Variants in ZMYM3 observed in about 807,000 individuals in gnomAD.
The protein encoded by ZMYM3 is zinc finger MYM-type containing 3, also known as zinc finger MYM-type protein 3.
Under a neutral mutation model 94.2 loss-of-function variants are expected in ZMYM3, and 6 were observed. That is an observed-to-expected ratio of 0.06 (90% CI 0.03 to 0.13). ZMYM3 has a LOEUF of 0.13. Among genes scored for constraint, ZMYM3 ranks in the 10% least tolerant of loss-of-function variants. The pLI is 1.00. For synonymous variants in ZMYM3, 420 were observed against 426.5 expected (o/e 0.98, Z 0.19); for missense variants, 664 against 1,132.6 (o/e 0.59, Z 5.94).
chrX:71,246,600 C>T lies in ZMYM3; in HGVS notation c.2407G>A (p.Gly803Ser). 1 of 1,211,111 alleles carries T rather than the reference C, an allele frequency of 8.3e-7. No homozygotes were observed. The highest frequency in any genetic ancestry group is 1.1e-6 in the Non-Finnish European group (1 of 895,200). ...CCCTTGGCTTTTGCCCCGACCTTGCCCAAATTCCCATTTTCCTCTGGGGTC... is the reference window on the plus strand; with the variant it reads ...CCCTTGGCTTTTGCCCCGACCTTGCTCAAATTCCCATTTTCCTCTGGGGTC... ...VRTPEENGNLGKIPVKTRSAP... is the reference protein window; with the variant it reads ...VRTPEENGNLSKIPVKTRSAP... The change falls in exon 14 of 25, where the codon GGC (glycine) becomes AGC (serine). Residue 803 changes from glycine to serine, a missense_variant. By Grantham distance (56) the Gly-to-Ser change is moderately conservative. Around this residue, in one of 9 missense-constraint regions of ZMYM3, gnomAD observed 57 missense variants for 52.0 expected, o/e 1.10. Coordinates refer to ENST00000314425, the MANE Select transcript of ZMYM3 (RefSeq NM_201599.3).
intron 6 of ZMYM3, 129 bp from the exon 7 acceptor site, chrX:71,249,808 G>A: frequency 4.6e-6 from 5 of 1,088,997 alleles, no homozygotes; most frequent in East Asian, 3.3e-5. Context: ...CCCAACCTGC[G>A]CCGCAGGCTG....
intron 11 of ZMYM3, 97 bp downstream of exon 11, chrX:71,248,064 GC>G (rs2030265425): frequency 8.8e-7 from 1 of 1,135,480 alleles, no homozygotes; most frequent in Non-Finnish European, 1.2e-6. Context: ...CGGGCAGAAG[GC>G]CCTGCCTCAT....
rs1489820293 is a variant in ZMYM3 at position 71,241,291 on chromosome X, G to A, written c.3856C>T (p.Arg1286Cys). Residue 1286 changes from arginine (R) to cysteine (C), a missense_variant, in exon 24 of 25, where the codon CGT becomes TGT. Physicochemically the swap from Arg to Cys is radical, Grantham distance 180 (BLOSUM62 -3). Coordinates refer to ENST00000314425, the MANE Select transcript of ZMYM3 (RefSeq NM_201599.3). ...CGGAGGGGATTCATGCGGTTCTCAC[G>A]CTGCTCTAAGATAGGGGCTTCATCT... ...REDEAPILEQ[R>C]ENRMNPLRCP... 2 of 1,205,909 alleles carry A rather than the reference G, an allele frequency of 1.7e-6. No homozygotes were observed. Among genetic ancestry groups the A allele is most frequent in the South Asian group, 1.8e-5 (1 of 56,128 alleles).
chrX:71,250,439 A>G lies in ZMYM3; in HGVS notation c.1066T>C (p.Cys356Arg), dbSNP rs1358020129. The G allele has an allele frequency of 8.3e-7, 1 of 1,205,214 alleles. No individual in the cohort carries two copies. Among genetic ancestry groups the G allele is most frequent in the Non-Finnish European group, 1.1e-6 (1 of 892,320 alleles). ...CCCAAGACCCTCACGCACTTCTTGC[A>G]GAAGGTACAGGTCTTTTTGCCCGAG... Reference protein sequence around the residue: ...KPSGKKTCTFCKKEIWNTKDS... With the variant: ...KPSGKKTCTFRKKEIWNTKDS... The change falls in exon 5 of 25, where the codon TGC (cysteine) becomes CGC (arginine). Residue 356 changes from cysteine (C) to arginine (R), a missense_variant. Physicochemically the swap from Cys to Arg is radical, Grantham distance 180. This residue lies in a region of ZMYM3 where 51 missense variants were observed against 53.0 expected (regional missense o/e 0.96). Transcript: ENST00000314425.
chrX:71,247,916 G>A lies in ZMYM3; in HGVS notation c.1976-10C>T, dbSNP rs752893993. On this transcript the variant is annotated splice_polypyrimidine_tract_variant and intron_variant, in intron 11 of 24. Transcript: ENST00000314425. ...TACAGCAGCACACAGCCTGGAAAGA[G>A]GAGAAGAGGAAAGAGAGTCCAGAGA... 2.5e-6 allele frequency: 3 copies of A among 1,179,031 alleles called. No homozygotes were observed. The Admixed American group carries it at 7.3e-5, about 29-fold the overall frequency.
chrX:71,242,867 GC>G, intron 22 of ZMYM3, 102 bp downstream of exon 22: 1 of 774,481 alleles, frequency 1.3e-6, no homozygotes, highest in African/African-American at 2.0e-5. Context: ...CTGCCCTCGG[GC>G]CCTTTGTGAA....
chrX:71,245,708 T>A lies in ZMYM3; in HGVS notation c.2820A>T (p.Ala940=), dbSNP rs1319995377. The A allele has an allele frequency of 6.6e-6, 8 of 1,209,644 alleles. No homozygotes were observed. The highest frequency in any genetic ancestry group is 8.9e-6 in the Non-Finnish European group (8 of 895,183). Reference sequence around the variant, plus strand: ...AGGCCTTGTCTAACTCCTCAGCCTCTGCAATCATTTCTGCCATAGCCAGGA... The same window carrying A: ...AGGCCTTGTCTAACTCCTCAGCCTCAGCAATCATTTCTGCCATAGCCAGGA... The part of the protein sequence containing the change: ...ADILAMAEMI[A]EAEELDKASS... Residue 940 remains alanine (A), a synonymous_variant, in exon 17 of 25, where the codon GCA becomes GCT. Coordinates refer to ENST00000314425, the MANE Select transcript of ZMYM3 (RefSeq NM_201599.3).
chrX:71,246,479 G>GGC lies in ZMYM3; in HGVS notation c.2445_2446insGC (p.Pro816AlafsTer24). ...GGGGGTGGTGGGGGTGGAGGGGTGG[G>GGC]AGCAGTGGGAGCTGATCGGGTCTTC... On this transcript the variant is annotated frameshift_variant, in exon 15 of 25. Coordinates refer to ENST00000314425, the MANE Select transcript of ZMYM3 (RefSeq NM_201599.3). LOFTEE classifies it high-confidence loss of function. The GGC allele has an allele frequency of 2.7e-5, 9 of 333,387 alleles. No individual in the cohort carries two copies. Among genetic ancestry groups the GGC allele is most frequent in the Non-Finnish European group, 4.5e-5 (8 of 178,444 alleles). The allele number at this position is 333,387 out of a possible 1,213,427, so 27.5% of individuals were successfully genotyped here.
In ZMYM3 at chrX:71,242,868, C is replaced by A. The variant is rs902637676; in HGVS notation, c.3547+102G>T. The A allele has an allele frequency of 4.1e-5, 32 of 785,341 alleles. No homozygotes were observed. In the African/African-American group the frequency reaches 6.6e-4, roughly 16 times the overall value. 64.7% of individuals were successfully genotyped at this position (785,341 alleles called of 1,213,427 possible). On this transcript the variant is annotated intron_variant, in intron 22 of 24. Coordinates refer to ENST00000314425, the MANE Select transcript of ZMYM3 (RefSeq NM_201599.3). ...CCAGCTACACGCTCCTGCCCTCGGG[C>A]CCTTTGTGAAGAGTGGCAGACCAAA...
intron 6 of ZMYM3, 42 bp downstream of exon 6, chrX:71,249,983 GC>G (rs773815520): frequency 5.0e-5 from 57 of 1,140,034 alleles, no homozygotes; most frequent in Non-Finnish European, 6.5e-5. Flanking sequence ...GCAGGTCAGG[GC>G]TGGCCAGGCT....
In ZMYM3 at chrX:71,242,366, G is replaced by A; in HGVS notation, c.3606C>T (p.Val1202=). Residue 1202 remains valine, a synonymous_variant, in exon 23 of 25, where the codon GTC becomes GTT. Transcript: ENST00000314425. ...TGTTGAGGAGGACAAAGGGCGAGTA[G>A]ACCCCCAGTTGCTTACACTCCCAGA... ...EHLWECKQLG[V]YSPFVLLNTL... The A allele has an allele frequency of 8.3e-7, 1 of 1,211,242 alleles. No individual in the cohort carries two copies. Among genetic ancestry groups the A allele is most frequent in the Non-Finnish European group, 1.1e-6 (1 of 895,342 alleles).
chrX:71,241,960 A>G (rs2029965649), intron 23 of ZMYM3, among the ~76,000 whole-genome samples: 1 of 111,854 alleles, frequency 8.9e-6, no homozygotes. Context: ...GAGGGGAAAC[A>G]GGCCAGAGGG....
In ZMYM3 at chrX:71,243,924, A is replaced by G; in HGVS notation, c.3337T>C (p.Tyr1113His). The change falls in exon 21 of 25, where the codon TAC becomes CAC. Residue 1113 changes from tyrosine to histidine, a missense_variant. Coordinates refer to ENST00000314425, the MANE Select transcript of ZMYM3 (RefSeq NM_201599.3). ...ILACSAAELNYGLAQFVREIT... is the reference protein window; with the variant it reads ...ILACSAAELNHGLAQFVREIT... ...TCTCTCACAAACTGGGCCAGACCGT[A>G]GTTGAGCTCAGCAGCTGAGCAGGCG... 8.3e-7 allele frequency: 1 copy of G among 1,211,772 alleles called. No individual in the cohort carries two copies. The highest frequency in any genetic ancestry group is 1.1e-6 in the Non-Finnish European group (1 of 895,521).
intron 18 of ZMYM3, among the ~76,000 whole-genome samples, 185 bp downstream of exon 18, chrX:71,245,154 A>G (rs2030114291): frequency 1.0e-5 from 1 of 99,188 alleles, no homozygotes; most frequent in African/African-American, 3.8e-5. Flanking sequence ...AAAAAAAAGC[A>G]TGACTCAGAA....
In ZMYM3 at chrX:71,244,298, T is replaced by A. The variant is rs193024573; in HGVS notation, c.3280+4A>T. On this transcript the variant is annotated splice_donor_region_variant and intron_variant, in intron 20 of 24. Coordinates refer to ENST00000314425, the MANE Select transcript of ZMYM3 (RefSeq NM_201599.3). The stretch of plus-strand genomic sequence containing the variant: ...CCCCACACCCCCCATCCCCAAGTAC[T>A]TACGGCCAAAGCGCAGCTCATCACC... 1.6e-5 allele frequency: 17 copies of A among 1,063,587 alleles called. No homozygotes were observed. In the East Asian group the frequency reaches 7.3e-4, roughly 46 times the overall value. The allele number at this position is 1,063,587 out of a possible 1,213,427, so 87.7% of individuals were successfully genotyped here.
At position 71,253,317 on chromosome X, in the gene ZMYM3, A is replaced by G. The variant is rs1371415508; in HGVS notation, c.-19-43T>C. ...AAGAGGGGGCAGTAGAGGTGGTCTT[A>G]GCCTGAATTCCTTCTTATATAGGCT... On this transcript the variant is annotated intron_variant, in intron 1 of 24. Coordinates refer to ENST00000314425, the MANE Select transcript of ZMYM3 (RefSeq NM_201599.3). The G allele has an allele frequency of 7.8e-6, 8 of 1,027,006 alleles. No homozygotes were observed. The Admixed American group carries it at 3.0e-4, about 39-fold the overall frequency. 84.6% of individuals were successfully genotyped at this position (1,027,006 alleles called of 1,213,427 possible). A position where few individuals can be genotyped will look rare whatever the true frequency, so the allele number is the denominator to read the frequency against.
chrX:71,253,432 T>C (rs1480344048), intron 1 of ZMYM3, among the ~76,000 whole-genome samples, 158 bp from the exon 2 acceptor site: 1 of 107,785 alleles, frequency 9.3e-6, no homozygotes, highest in Non-Finnish European at 1.9e-5. Flanking sequence ...TTAGTCCTAA[T>C]GACCACTCCC....
Position 71,244,843 on chromosome X carries a change from C to T in ZMYM3, c.3058G>A (p.Val1020Ile). Residue 1020 changes from valine to isoleucine, a missense_variant, in exon 19 of 25, where the codon GTA becomes ATA. Transcript: ENST00000314425. ...SVDFLFDCGL[V>I]GPEDVSTEQD... The stretch of plus-strand genomic sequence containing the variant: ...TCAGTAGACACATCCTCAGGCCCTA[C>T]CAGGCCACAATCAAAGAGGAAGTCT... 1 of 1,208,810 alleles carries T rather than the reference C, an allele frequency of 8.3e-7. No individual in the cohort carries two copies. Among genetic ancestry groups the T allele is most frequent in the Non-Finnish European group, 1.1e-6 (1 of 893,992 alleles).
At chrX:71,245,525 T>TGCTA in intron 17 of ZMYM3, 40 bp from the exon 18 acceptor site, 1 of 1,181,049 alleles carries the variant, frequency 8.5e-7, no homozygotes, top group East Asian at 3.0e-5. Flanking sequence ...TACAAGCTCC[T>TGCTA]GCTAGCACCC....
Sources: gnomAD v4.1 joint callset for allele counts (sites outside exome capture counted in the v4.1 genomes callset) on GRCh38, gnomAD v4.1.1 for gene constraint, gnomAD v4.1.1 regional missense constraint, MANE v1.5 for transcripts, NCBI Gene and HGNC (gene_info 2026-07-23, HGNC 2026-07-21) for gene names.